SCYL3: variants seen among roughly 807,000 people sequenced by gnomAD.
The protein encoded by SCYL3 is SCY1 like pseudokinase 3, also known as protein-associating with the carboxyl-terminal domain of ezrin.
SCYL3 carries 35 observed loss-of-function variants against 73.8 expected under a neutral mutation model. That is an observed-to-expected ratio of 0.47 (90% confidence interval 0.36 to 0.63). SCYL3 has a LOEUF of 0.63. Among genes scored for constraint, SCYL3 ranks in the 20% least tolerant of loss-of-function variants. SCYL3 has a pLI of 0.00. For missense variants in SCYL3, 712 were observed against 798.9 expected, an observed-to-expected ratio of 0.89 and a Z score of 1.31; for synonymous variants, 277 against 295.2, an observed-to-expected ratio of 0.94 and a Z score of 0.63.
chr1:169,855,730 G>A, intron 11 of SCYL3: 5 of 1,465,270 alleles, frequency 3.4e-6, no homozygotes, highest in Non-Finnish European at 3.7e-6. Flanking sequence ...ACACCCATAA[G>A]CTTATTAGTC....
intron 5 of SCYL3, among the ~76,000 whole-genome samples, chr1:169,871,421 T>C (rs1660386901): frequency 6.6e-6 from 1 of 152,244 alleles, no homozygotes; most frequent in Non-Finnish European, 1.5e-5. Context: ...TTTTGCCTTC[T>C]GCCATGATTT....
chr1:169,850,236 A>G lies in SCYL3; in HGVS notation c.*3477T>C. On this transcript the variant is annotated 3_prime_UTR_variant, in exon 13 of 13. Transcript: ENST00000367771. ...CTTTGCAAGTTGTTGAAATGTTAAA[A>G]TTGGTCTTGTTCATCAATTTTTTAA... 1 of 1,458,748 alleles carries G rather than the reference A, an allele frequency of 6.9e-7. No homozygotes were observed. The highest frequency in any genetic ancestry group is 9.6e-7 in the Non-Finnish European group (1 of 1,045,970). The allele number at this position is 1,458,748 out of a possible 1,614,324, so 90.4% of individuals were successfully genotyped here.
In SCYL3 at chr1:169,852,147, A is replaced by C. The variant is rs1160954391; in HGVS notation, c.*1566T>G. 1 of 632,326 alleles carries C rather than the reference A, an allele frequency of 1.6e-6. No individual in the cohort carries two copies. Among genetic ancestry groups the C allele is most frequent in the Non-Finnish European group, 2.7e-6 (1 of 369,166 alleles). 39.2% of individuals were successfully genotyped at this position (632,326 alleles called of 1,614,324 possible). A position where few individuals can be genotyped will look rare whatever the true frequency, so the allele number is the denominator to read the frequency against. On this transcript the variant is annotated 3_prime_UTR_variant, in exon 13 of 13. Transcript: ENST00000367771. ...CAAATATATTCTTTCAGTATGTTTGAATTATTGGTAGTAACCTTTAAGGGA... is the reference window on the plus strand; with the variant it reads ...CAAATATATTCTTTCAGTATGTTTGCATTATTGGTAGTAACCTTTAAGGGA...
rs533188013 is a variant in SCYL3, at chr1:169,855,943, C to T, written c.1313-979G>A. The T allele has an allele frequency of 3.3e-5, 53 of 1,613,052 alleles. No individual in the cohort carries two copies. In the South Asian group the frequency reaches 4.5e-4, roughly 14 times the overall value. Reference sequence around the variant, plus strand: ...ATCTGACTGTGATGGCTGCAGACGACACACATAGGAGAATCTGAAGGTAAA... The same window carrying T: ...ATCTGACTGTGATGGCTGCAGACGATACACATAGGAGAATCTGAAGGTAAA... On this transcript the variant is annotated intron_variant, in intron 11 of 12. Coordinates refer to ENST00000367771, the MANE Select transcript of SCYL3 (RefSeq NM_020423.7).
At chr1:169,855,909 AT>A (rs1306195461) in intron 11 of SCYL3, 1 of 1,613,964 alleles carries the variant, frequency 6.2e-7, no homozygotes, top group Non-Finnish European at 8.5e-7. Context: ...GTTCTCCAAG[AT>A]TGGCGAGATC....
chr1:169,870,844 A>G (rs1030371073), intron 5 of SCYL3, among the ~76,000 whole-genome samples: 1 of 152,212 alleles, frequency 6.6e-6, no homozygotes, highest in African/African-American at 2.4e-5. Context: ...GTATATATAC[A>G]TAATACTGAT....
Position 169,888,747 on chromosome 1 carries a change from G to A in SCYL3, c.94C>T (p.Gln32Ter), listed in dbSNP as rs1444803278. 2.5e-6 allele frequency: 4 copies of A among 1,613,888 alleles called. No homozygotes were observed. Among genetic ancestry groups the A allele is most frequent in the Non-Finnish European group, 3.4e-6 (4 of 1,179,950 alleles). ...SGLAVYPAVLQDGKFASVFVY... is the reference protein window; with the variant it reads ...SGLAVYPAVL ...AAAACTGAAGCAAATTTGCCATCTTGCAGTACAGCGGGATAAACAGCAAGT... is the reference window on the plus strand; with the variant it reads ...AAAACTGAAGCAAATTTGCCATCTTACAGTACAGCGGGATAAACAGCAAGT... Residue 32 changes from glutamine to a stop codon, truncating the protein, a stop_gained, in exon 2 of 13, where the codon CAA (glutamine) becomes TAA (stop). Transcript: ENST00000367771. LOFTEE classifies it high-confidence loss of function.
rs745390584 is a variant in SCYL3 at position 169,851,976 on chromosome 1, C to T, written c.*1737G>A. On this transcript the variant is annotated 3_prime_UTR_variant, in exon 13 of 13. Coordinates refer to ENST00000367771, the MANE Select transcript of SCYL3 (RefSeq NM_020423.7). ...CAATAGGGGCCAAACTTTAACAAGG[C>T]AAATTCTGCCCTTTTTACTTACTGA... The T allele has an allele frequency of 1.2e-6, 2 of 1,613,550 alleles. No homozygotes were observed. The highest frequency in any genetic ancestry group is 1.7e-6 in the Non-Finnish European group (2 of 1,179,722).
chr1:169,856,051 T>C, intron 11 of SCYL3: 1 of 1,033,446 alleles, frequency 9.7e-7, no homozygotes, highest in Non-Finnish European at 1.4e-6. Flanking sequence ...GTGAAATGGG[T>C]ATATTTTTAT....
At chr1:169,883,714 ATTTTTTTT>A (rs11311295) in intron 2 of SCYL3, among the ~76,000 whole-genome samples, 8 of 100,088 alleles carry the variant, frequency 8.0e-5, no homozygotes, top group Non-Finnish European at 1.2e-4. Context: ...CTCCAATTAC[ATTTTTTTT>A]TTTTTTTTTT....
intron 6 of SCYL3, 96 bp from the exon 7 acceptor site, chr1:169,869,135 A>G (rs1660228661): frequency 1.1e-6 from 1 of 904,666 alleles, no homozygotes. Context: ...CAACCTGTAA[A>G]AGCCCAAACA....
intron 10 of SCYL3, 120 bp downstream of exon 10, chr1:169,862,493 A>G: frequency 9.8e-7 from 1 of 1,022,564 alleles, no homozygotes. Context: ...AGCACTTTGT[A>G]TTCCACAGAC....
chr1:169,872,183 C>T (rs911056490), intron 5 of SCYL3, among the ~76,000 whole-genome samples: 4 of 152,244 alleles, frequency 2.6e-5, no homozygotes, highest in African/African-American at 9.6e-5. Context: ...GGGCGAGGCC[C>T]AGGGTCCCCA....
intron 1 of SCYL3, 78 bp downstream of exon 1, chr1:169,893,710 G>T (rs1662253074): frequency 6.6e-6 from 1 of 151,544 alleles, no homozygotes; most frequent in Admixed American, 6.6e-5. Flanking sequence ...CGCGCCCGCC[G>T]CCTCCTCCCC....
At chr1:169,882,192 C>T (rs1040239168) in intron 2 of SCYL3, among the ~76,000 whole-genome samples, 1 of 152,294 alleles carries the variant, frequency 6.6e-6, no homozygotes, top group South Asian at 2.1e-4. Flanking sequence ...GCTTGGCAGG[C>T]CCCCCACTTG....
chr1:169,864,726 G>A (rs531241943), intron 8 of SCYL3, among the ~76,000 whole-genome samples: 8 of 152,254 alleles, frequency 5.3e-5, no homozygotes, highest in East Asian at 1.9e-4. Context: ...TTGGGCGGCC[G>A]CGGCGGGCAG....
rs748839186 is a variant in SCYL3, at chr1:169,853,570, T to C, written c.*143A>G. 5 of 817,550 alleles carry C rather than the reference T, an allele frequency of 6.1e-6. No homozygotes were observed. The African/African-American group carries it at 6.8e-5, about 11-fold the overall frequency. 50.6% of individuals were successfully genotyped at this position (817,550 alleles called of 1,614,324 possible). A position where few individuals can be genotyped will look rare whatever the true frequency, so the allele number is the denominator to read the frequency against. On this transcript the variant is annotated 3_prime_UTR_variant, in exon 13 of 13. Transcript: ENST00000367771. ...ACTCACAGTCAGTCTCCTACTTCAG[T>C]TGGCACAGACTGGATAATGAGCTCC...
At chr1:169,854,032 CT>C (rs987786436) in intron 12 of SCYL3, 27 of 560,640 alleles carry the variant, frequency 4.8e-5, no homozygotes, top group African/African-American at 1.2e-4. Context: ...ATTTTAATCC[CT>C]TTTTTTTCTT....
chr1:169,891,133 A>G (rs1662051716), intron 1 of SCYL3, among the ~76,000 whole-genome samples: 1 of 152,210 alleles, frequency 6.6e-6, no homozygotes, highest in South Asian at 2.1e-4. Context: ...ACTAAGAACA[A>G]TTTTTGCCTA....
Sources: gnomAD v4.1 joint callset for allele counts (sites outside exome capture counted in the v4.1 genomes callset) on GRCh38, gnomAD v4.1.1 for gene constraint, MANE v1.5 for transcripts, NCBI Gene and HGNC (gene_info 2026-07-23, HGNC 2026-07-21) for gene names.